Variants in SGPL1 observed in about 807,000 individuals in gnomAD.
SGPL1 encodes the protein SP-lyase 1.
Under a neutral mutation model 68.9 loss-of-function variants are expected in SGPL1, and 37 were observed. The ratio of observed to expected loss-of-function variants is 0.54; its 90% CI spans 0.41 to 0.71. The LOEUF (loss-of-function observed/expected upper bound fraction) is 0.71, where lower values mean the gene tolerates loss of function less well. Among genes scored for constraint, SGPL1 ranks in the 30% least tolerant of loss-of-function variants. The probability of loss-of-function intolerance (pLI) is 0.00; values close to 1 mark genes in which losing one functional copy is unlikely to be tolerated. For missense variants in SGPL1, 551 were observed against 704.6 expected, an observed-to-expected ratio of 0.78 and a Z score of 2.47; for synonymous variants, 236 against 248.5, an observed-to-expected ratio of 0.95 and a Z score of 0.47.
intron 3 of SGPL1, among the ~76,000 whole-genome samples, chr10:70,850,772 T>C (rs1340831378): frequency 1.3e-5 from 2 of 151,900 alleles, no homozygotes; most frequent in Non-Finnish European, 2.9e-5. Context: ...CAAGGTCTAC[T>C]ACAGTGCTAG....
intron 2 of SGPL1, among the ~76,000 whole-genome samples, chr10:70,832,490 TG>T (rs1564619231): frequency 6.6e-6 from 1 of 152,202 alleles, no homozygotes; most frequent in Non-Finnish European, 1.5e-5. Flanking sequence ...AAGATAAGTA[TG>T]GGACTGGAGA....
At chr10:70,834,056 G>A (rs78294476) in intron 2 of SGPL1, among the ~76,000 whole-genome samples, 10,631 of 152,172 alleles carry the variant, frequency 0.07, 488 homozygotes, top group African/African-American at 0.1. Context: ...TTTCCCTGCT[G>A]CGTGAATACC....
rs1408964292 is a variant in SGPL1, at chr10:70,880,806, A to G, written c.*3471A>G. ...CCTAGTTCCTGAGTACCTGGAAACCAGAGAGAAAGAGGATCCAGGATGTAC... is the reference window on the plus strand; with the variant it reads ...CCTAGTTCCTGAGTACCTGGAAACCGGAGAGAAAGAGGATCCAGGATGTAC... On this transcript the variant is annotated 3_prime_UTR_variant, in exon 15 of 15. Coordinates refer to ENST00000373202, the MANE Select transcript of SGPL1 (RefSeq NM_003901.4). The G allele has an allele frequency of 6.6e-6, 1 of 152,166 alleles. No individual in the cohort carries two copies. The highest frequency in any genetic ancestry group is 2.4e-5 in the African/African-American group (1 of 41,438). The allele number at this position is 152,166 out of a possible 1,614,324, so 9.4% of individuals were successfully genotyped here. A position where few individuals can be genotyped will look rare whatever the true frequency, so the allele number is the denominator to read the frequency against.
intron 2 of SGPL1, among the ~76,000 whole-genome samples, chr10:70,837,227 G>A (rs567452417): frequency 1.3e-5 from 2 of 151,800 alleles, no homozygotes; most frequent in Non-Finnish European, 2.9e-5. Context: ...ACAGGTGTAC[G>A]CCACCATGCC....
rs1846487698 is a variant in SGPL1 at position 70,881,180 on chromosome 10, A to G, written c.*3845A>G. The stretch of plus-strand genomic sequence containing the variant: ...AATAAACCTATTTATTTCTAAAAAA[A>G]AAAAGAAAAGAAAGTGTTACCTGTG... On this transcript the variant is annotated 3_prime_UTR_variant, in exon 15 of 15. Coordinates refer to ENST00000373202, the MANE Select transcript of SGPL1 (RefSeq NM_003901.4). 1 of 152,198 alleles carries G rather than the reference A, an allele frequency of 6.6e-6. No individual in the cohort carries two copies. The highest frequency in any genetic ancestry group is 1.5e-5 in the Non-Finnish European group (1 of 68,034). The allele number at this position is 152,198 out of a possible 1,614,324, so 9.4% of individuals were successfully genotyped here. A position where few individuals can be genotyped will look rare whatever the true frequency, so the allele number is the denominator to read the frequency against.
Position 70,857,601 on chromosome 10 carries a change from C to T in SGPL1, c.410-13C>T, listed in dbSNP as rs1427723492. On this transcript the variant is annotated splice_polypyrimidine_tract_variant and intron_variant, in intron 5 of 14. Coordinates refer to ENST00000373202, the MANE Select transcript of SGPL1 (RefSeq NM_003901.4). ...TCTTGCTTACTGACCAGTGACCTTACCTTTCTCTGCAGACGCCTTCTGGCA... is the reference window on the plus strand; with the variant it reads ...TCTTGCTTACTGACCAGTGACCTTATCTTTCTCTGCAGACGCCTTCTGGCA... The T allele has an allele frequency of 1.2e-6, 2 of 1,610,198 alleles. No individual in the cohort carries two copies. The highest frequency in any genetic ancestry group is 1.7e-6 in the Non-Finnish European group (2 of 1,176,834).
chr10:70,856,308 C>CT lies in SGPL1; in HGVS notation c.410-1304dup, dbSNP rs1274236308. Among the ~76,000 whole-genome samples, 51 of 152,220 alleles carry CT rather than the reference C, an allele frequency of 3.4e-4. 1 individual carries two copies. Among genetic ancestry groups the CT allele is most frequent in the African/African-American group, 1.1e-3 (46 of 41,538 alleles). Reference sequence around the variant, plus strand: ...ACTGTGCTCGGCCTTGACAAATACCCTTACAATTTCTAAGTGACATGTGTT... The same window carrying CT: ...ACTGTGCTCGGCCTTGACAAATACCCTTTACAATTTCTAAGTGACATGTGTT... On this transcript the variant is annotated intron_variant, in intron 5 of 14. Transcript: ENST00000373202.
At chr10:70,860,714 T>C (rs1230133728) in intron 7 of SGPL1, among the ~76,000 whole-genome samples, 1 of 152,192 alleles carries the variant, frequency 6.6e-6, no homozygotes, top group Admixed American at 6.5e-5. Context: ...AAGATACATA[T>C]ATCTTATGAC....
intron 7 of SGPL1, among the ~76,000 whole-genome samples, chr10:70,862,451 G>A (rs1005533686): frequency 2.0e-5 from 3 of 152,132 alleles, no homozygotes; most frequent in Non-Finnish European, 4.4e-5. Context: ...TGTGGGTGGG[G>A]CCAGATAAGA....
At chr10:70,875,163 C>T (rs565538553) in intron 12 of SGPL1, among the ~76,000 whole-genome samples, 2 of 152,276 alleles carry the variant, frequency 1.3e-5, no homozygotes, top group East Asian at 3.9e-4. Context: ...GTCATTAGAT[C>T]TAGATGGGGT....
chr10:70,869,849 G>A lies in SGPL1; in HGVS notation c.762G>A (p.Met254Ile). The A allele has an allele frequency of 6.2e-7, 1 of 1,614,146 alleles. No individual in the cohort carries two copies. The highest frequency in any genetic ancestry group is 1.3e-5 in the African/African-American group (1 of 75,028). ...AFNKAASYFGMKIVRVPLTKM... is the reference protein window; with the variant it reads ...AFNKAASYFGIKIVRVPLTKM... ...ACAAAGCAGCCAGTTACTTTGGGAT[G>A]AAGATTGTGCGGGTCCCATTGACGA... Residue 254 changes from methionine to isoleucine, a missense_variant, in exon 9 of 15, where the codon ATG (methionine) becomes ATA (isoleucine). Physicochemically the swap from Met to Ile is conservative, Grantham distance 10. Transcript: ENST00000373202.
intron 1 of SGPL1, among the ~76,000 whole-genome samples, chr10:70,816,586 G>A (rs998291248): frequency 6.6e-6 from 1 of 152,218 alleles, no homozygotes; most frequent in Non-Finnish European, 1.5e-5. Flanking sequence ...CTTTGTGGGA[G>A]TCTGGGTCTG....
At chr10:70,843,195 CAT>C (rs2131882934) in intron 2 of SGPL1, among the ~76,000 whole-genome samples, 1 of 152,234 alleles carries the variant, frequency 6.6e-6, no homozygotes, top group South Asian at 2.1e-4. Context: ...TCTTGGCACT[CAT>C]ATGCTTTTTG....
intron 8 of SGPL1, chr10:70,869,517 A>G (rs1846251258): frequency 8.1e-6 from 2 of 247,346 alleles, no homozygotes; most frequent in Non-Finnish European, 1.6e-5. Context: ...CTGCCAGCCT[A>G]GCTTTATGCT....
chr10:70,842,740 A>T (rs1845735341), intron 2 of SGPL1, among the ~76,000 whole-genome samples: 3 of 152,166 alleles, frequency 2.0e-5, no homozygotes, highest in Admixed American at 1.3e-4. Context: ...CAATGTCGGG[A>T]ATCACATTTC....
chr10:70,850,667 TA>T (rs1845864353), intron 3 of SGPL1, among the ~76,000 whole-genome samples: 1 of 152,118 alleles, frequency 6.6e-6, no homozygotes, highest in Non-Finnish European at 1.5e-5. Context: ...GCAGGTTAAA[TA>T]AATTTTGGCA....
intron 7 of SGPL1, among the ~76,000 whole-genome samples, chr10:70,866,118 G>C (rs1274727427): frequency 1.3e-5 from 2 of 152,186 alleles, no homozygotes; most frequent in East Asian, 3.9e-4. Context: ...CAGGCACAGT[G>C]ACTCACGCCT....
Position 70,816,804 on chromosome 10 carries a change from T to A in SGPL1, c.-43-7T>A. On this transcript the variant is annotated splice_region_variant and splice_polypyrimidine_tract_variant and intron_variant, in intron 1 of 14. Coordinates refer to ENST00000373202, the MANE Select transcript of SGPL1 (RefSeq NM_003901.4). ...TAGAAGTAAACAAACCTGGTTCCCTTTTACAGAGTCTGAAAAAGGGGAGCG... is the reference window on the plus strand; with the variant it reads ...TAGAAGTAAACAAACCTGGTTCCCTATTACAGAGTCTGAAAAAGGGGAGCG... The A allele has an allele frequency of 6.2e-7, 1 of 1,601,948 alleles. No homozygotes were observed. Among genetic ancestry groups the A allele is most frequent in the Non-Finnish European group, 8.6e-7 (1 of 1,169,056 alleles).
intron 2 of SGPL1, among the ~76,000 whole-genome samples, chr10:70,840,524 G>GA (rs1365274260): frequency 6.6e-6 from 1 of 152,010 alleles, no homozygotes. Flanking sequence ...CTACATTGGG[G>GA]ACTGAGCCTA....
Sources: gnomAD v4.1 joint callset for allele counts (sites outside exome capture counted in the v4.1 genomes callset) on GRCh38, gnomAD v4.1.1 for gene constraint, MANE v1.5 for transcripts, NCBI Gene and HGNC (gene_info 2026-07-23, HGNC 2026-07-21) for gene names.